RFNG: variants seen among roughly 807,000 people sequenced by gnomAD.
RFNG encodes beta-1,3-N-acetylglucosaminyltransferase radical fringe.
Under a neutral mutation model 29.6 loss-of-function variants are expected in RFNG, and 37 were observed. The observed-to-expected ratio is 1.25, with a 90% CI of 0.96 to 1.65. The LOEUF (loss-of-function observed/expected upper bound fraction) is 1.65, where lower values mean the gene tolerates loss of function less well. Among genes scored for constraint, RFNG ranks in the 40% most tolerant of loss-of-function variants. The pLI is 0.00. For synonymous variants in RFNG, 276 were observed against 197.3 expected, an observed-to-expected ratio of 1.40 and a Z score of -3.34; for missense variants, 546 against 457.0, an observed-to-expected ratio of 1.19 and a Z score of -1.78.
intron 2 of RFNG, 73 bp from the exon 3 acceptor site, chr17:82,050,837 G>A: frequency 6.7e-7 from 1 of 1,503,212 alleles, no homozygotes; most frequent in Non-Finnish European, 9.1e-7. Flanking sequence ...TGCCCCACCT[G>A]CCCCCAAGGG....
rs1457117017 is a variant in RFNG at position 82,051,617 on chromosome 17, G to T, written c.150C>A (p.Pro50=). The T allele has an allele frequency of 2.5e-6, 3 of 1,213,876 alleles. No homozygotes were observed. The South Asian group carries it at 8.8e-5, about 36-fold the overall frequency. The allele number at this position is 1,213,876 out of a possible 1,614,324, so 75.2% of individuals were successfully genotyped here. A position where few individuals can be genotyped will look rare whatever the true frequency, so the allele number is the denominator to read the frequency against. Residue 50 remains proline (P), a synonymous_variant, in exon 1 of 8, where the codon CCC becomes CCA. Transcript: ENST00000310496. The surrounding 1 kb of genome is among the most constrained non-coding windows in gnomAD (Gnocchi z 4.1). ...APAPRAPPSR[P]AAPSLRPDDV... ...CGTCAGGCCGCAGGCTGGGGGCAGC[G>T]GGCCGGGACGGGGGCGCGCGCGGGG...
chr17:82,050,856 C>A lies in RFNG; in HGVS notation c.317-92G>T, dbSNP rs751908821. ...CCACCTGCCCCCAAGGGCCAGGGCACAACGTGGCTGTCTGACATGCCTGGA... is the reference window on the plus strand; with the variant it reads ...CCACCTGCCCCCAAGGGCCAGGGCAAAACGTGGCTGTCTGACATGCCTGGA... On this transcript the variant is annotated intron_variant, in intron 2 of 7. Coordinates refer to ENST00000310496, the MANE Select transcript of RFNG (RefSeq NM_002917.2). 1.5e-4 allele frequency: 226 copies of A among 1,464,652 alleles called. 1 individual carries two copies. The highest frequency in any genetic ancestry group is 2.1e-4 in the South Asian group (17 of 81,188). 90.7% of individuals were successfully genotyped at this position (1,464,652 alleles called of 1,614,324 possible).
rs770204364 is a variant in RFNG at position 82,051,278 on chromosome 17, A to AG, written c.316+15dup. Reference sequence around the variant, plus strand: ...GGGGCAGATCCCGCGGGCGCCGGGGAGTGGGGGACACTCACCGCCCTGGAG... The same window carrying AG: ...GGGGCAGATCCCGCGGGCGCCGGGGAGGTGGGGGACACTCACCGCCCTGGAG... On this transcript the variant is annotated intron_variant, in intron 2 of 7. Transcript: ENST00000310496. This position sits in a 1 kb window ranked among gnomAD's most constrained non-coding sequence, Gnocchi z 4.1. 8.8e-6 allele frequency: 12 copies of AG among 1,358,870 alleles called. No individual in the cohort carries two copies. The highest frequency in any genetic ancestry group is 3.4e-5 in the Admixed American group (1 of 29,006). 84.2% of individuals were successfully genotyped at this position (1,358,870 alleles called of 1,614,324 possible). A position where few individuals can be genotyped will look rare whatever the true frequency, so the allele number is the denominator to read the frequency against.
At position 82,049,713 on chromosome 17, in the gene RFNG, G is replaced by A. The variant is rs548244026; in HGVS notation, c.792C>T (p.Asn264=). The change falls in exon 6 of 8, where the codon AAC becomes AAT. Residue 264 remains asparagine (N), a synonymous_variant. Coordinates refer to ENST00000310496, the MANE Select transcript of RFNG (RefSeq NM_002917.2). ...HSPLFHSHLE[N]LQRLPPDTLL... is the part of the protein sequence containing the mutation. The stretch of plus-strand genomic sequence containing the variant: ...GGGTGTCGGGCGGCAGCCTCTGCAG[G>A]TTCTCCAGGTGAGAGTGGAAGAGGG... 4 of 1,502,982 alleles carry A rather than the reference G, an allele frequency of 2.7e-6. No individual in the cohort carries two copies. The South Asian group carries it at 5.5e-5, about 21-fold the overall frequency. 93.1% of individuals were successfully genotyped at this position (1,502,982 alleles called of 1,614,324 possible).
At chr17:82,050,930 G>T in intron 2 of RFNG, 166 bp from the exon 3 acceptor site, 1 of 1,411,600 alleles carries the variant, frequency 7.1e-7, no homozygotes, top group Non-Finnish European at 9.3e-7. Context: ...CGCTGACCCT[G>T]CTGGTGCCAC....
chr17:82,050,093 G>A (rs1156875215), intron 4 of RFNG, 87 bp from the exon 5 acceptor site: 9 of 1,217,766 alleles, frequency 7.4e-6, no homozygotes, highest in South Asian at 3.9e-5. Context: ...TCTTTCTTAA[G>A]CTGCCCCTTA....
In RFNG at chr17:82,050,723, G is replaced by T; in HGVS notation, c.358C>A (p.Arg120Ser). 6.2e-7 allele frequency: 1 copy of T among 1,613,226 alleles called. No individual in the cohort carries two copies. Among genetic ancestry groups the T allele is most frequent in the South Asian group, 1.1e-5 (1 of 91,084 alleles). Residue 120 changes from arginine (R) to serine (S), a missense_variant, in exon 3 of 8, where the codon CGT becomes AGT. Transcript: ENST00000310496. ...INTNCSAVRT[R>S]QALCCKMSVE... ...GACATCTTGCAGCAGAGGGCCTGAC[G>T]AGTGCGCACCGCCGAGCAGTTGGTG...
In RFNG at chr17:82,049,120, G is replaced by C; in HGVS notation, c.829-4C>G. ...GACCCCCATGGCTCAAGGTAACCTG[G>C]GAGGGAAGGGTGTGGGCAGAGTGTG... On this transcript the variant is annotated splice_region_variant and splice_polypyrimidine_tract_variant and intron_variant, in intron 6 of 7. Transcript: ENST00000310496. The C allele has an allele frequency of 6.2e-7, 1 of 1,612,370 alleles. No individual in the cohort carries two copies. The highest frequency in any genetic ancestry group is 8.5e-7 in the Non-Finnish European group (1 of 1,179,076).
chr17:82,051,677 G>GGGCAGC lies in RFNG; in HGVS notation c.84_89dup (p.Leu29_Pro30dup), dbSNP rs1309846308. 5.0e-6 allele frequency: 5 copies of GGGCAGC among 1,001,812 alleles called. No homozygotes were observed. Among genetic ancestry groups the GGGCAGC allele is most frequent in the African/African-American group, 1.8e-5 (1 of 56,916 alleles). 62.1% of individuals were successfully genotyped at this position (1,001,812 alleles called of 1,614,324 possible). A position where few individuals can be genotyped will look rare whatever the true frequency, so the allele number is the denominator to read the frequency against. On this transcript the variant is annotated inframe_insertion, in exon 1 of 8. Coordinates refer to ENST00000310496, the MANE Select transcript of RFNG (RefSeq NM_002917.2). The surrounding 1 kb of genome is among the most constrained non-coding windows in gnomAD (Gnocchi z 4.1). Reference sequence around the variant, plus strand: ...GGGTCCGGGCCGGGGCGGGCGCGCGGGGCAGCGGCAGCGGCAGTAACAGCA... The same window carrying GGGCAGC: ...GGGTCCGGGCCGGGGCGGGCGCGCGGGGCAGCGGCAGCGGCAGCGGCAGTAACAGCA...
intron 4 of RFNG, 63 bp from the exon 5 acceptor site, chr17:82,050,069 G>T (rs368727098): frequency 1.5e-6 from 2 of 1,353,550 alleles, no homozygotes; most frequent in Non-Finnish European, 2.1e-6. Context: ...ACTCTTCATG[G>T]GACTCCCCAG....
chr17:82,049,892 G>C, intron 5 of RFNG, 26 bp downstream of exon 5: 2 of 1,611,224 alleles, frequency 1.2e-6, no homozygotes, highest in Non-Finnish European at 1.7e-6. Context: ...CCGCCTCCCA[G>C]CCCGGGCAGC....
chr17:82,051,451 C>A lies in RFNG; in HGVS notation c.267+49G>T, dbSNP rs2030564688. 2 of 1,331,580 alleles carry A rather than the reference C, an allele frequency of 1.5e-6. No individual in the cohort carries two copies. Among genetic ancestry groups the A allele is most frequent in the South Asian group, 2.1e-5 (1 of 47,100 alleles). The allele number at this position is 1,331,580 out of a possible 1,614,324, so 82.5% of individuals were successfully genotyped here. ...TGGGCCGGGCCTAGACCCTGGGAGGCGGGGCGGGTGGGCGTGGGGCTCGCC... is the reference window on the plus strand; with the variant it reads ...TGGGCCGGGCCTAGACCCTGGGAGGAGGGGCGGGTGGGCGTGGGGCTCGCC... On this transcript the variant is annotated intron_variant, in intron 1 of 7. Transcript: ENST00000310496. This position sits in a 1 kb window ranked among gnomAD's most constrained non-coding sequence, Gnocchi z 4.1.
chr17:82,051,615 G>T lies in RFNG; in HGVS notation c.152C>A (p.Ala51Asp). ...GTCGTCAGGCCGCAGGCTGGGGGCA[G>T]CGGGCCGGGACGGGGGCGCGCGCGG... ...PAPRAPPSRP[A>D]APSLRPDDVF... The change falls in exon 1 of 8, where the codon GCT (alanine) becomes GAT (aspartate). Residue 51 changes from alanine to aspartate, a missense_variant. Coordinates refer to ENST00000310496, the MANE Select transcript of RFNG (RefSeq NM_002917.2). This position sits in a 1 kb window ranked among gnomAD's most constrained non-coding sequence, Gnocchi z 4.1. The T allele has an allele frequency of 1.6e-6, 2 of 1,237,842 alleles. No individual in the cohort carries two copies. Among genetic ancestry groups the T allele is most frequent in the South Asian group, 2.6e-5 (1 of 38,140 alleles). 76.7% of individuals were successfully genotyped at this position (1,237,842 alleles called of 1,614,324 possible).
In RFNG at chr17:82,051,277, G is replaced by A. The variant is rs776844756; in HGVS notation, c.316+17C>T. Reference sequence around the variant, plus strand: ...GGGGGCAGATCCCGCGGGCGCCGGGGAGTGGGGGACACTCACCGCCCTGGA... The same window carrying A: ...GGGGGCAGATCCCGCGGGCGCCGGGAAGTGGGGGACACTCACCGCCCTGGA... On this transcript the variant is annotated intron_variant, in intron 2 of 7. Coordinates refer to ENST00000310496, the MANE Select transcript of RFNG (RefSeq NM_002917.2). This position sits in a 1 kb window ranked among gnomAD's most constrained non-coding sequence, Gnocchi z 4.1. 5 of 1,367,822 alleles carry A rather than the reference G, an allele frequency of 3.7e-6. No individual in the cohort carries two copies. Among genetic ancestry groups the A allele is most frequent in the South Asian group, 2.1e-5 (1 of 46,914 alleles). The allele number at this position is 1,367,822 out of a possible 1,614,324, so 84.7% of individuals were successfully genotyped here. A position where few individuals can be genotyped will look rare whatever the true frequency, so the allele number is the denominator to read the frequency against.
rs1043777857 is a variant in RFNG at position 82,051,509 on chromosome 17, G to A, written c.258C>T (p.Ala86=). 3 of 1,390,840 alleles carry A rather than the reference G, an allele frequency of 2.2e-6. No homozygotes were observed. Among genetic ancestry groups the A allele is most frequent in the African/African-American group, 3.0e-5 (2 of 65,604 alleles). 86.2% of individuals were successfully genotyped at this position (1,390,840 alleles called of 1,614,324 possible). Reference sequence around the variant, plus strand: ...TCGGGGTCCGGCGCACCTGCTGGCGGGCCCGGGAGATCCAGGTGCGCAGCA... The same window carrying A: ...TCGGGGTCCGGCGCACCTGCTGGCGAGCCCGGGAGATCCAGGTGCGCAGCA... ...RLLLRTWISR[A]RQQTFIFTDG... is the part of the protein sequence containing the mutation. Residue 86 remains alanine, a synonymous_variant, in exon 1 of 8, where the codon GCC becomes GCT. Transcript: ENST00000310496. This position sits in a 1 kb window ranked among gnomAD's most constrained non-coding sequence, Gnocchi z 4.1.
chr17:82,050,389 C>T lies in RFNG; in HGVS notation c.573+13G>A. The stretch of plus-strand genomic sequence containing the variant: ...AAGGCGTCTGCTCCGATGGCGTCTG[C>T]TCCGACACTCACAGTTCTGCCACCC... On this transcript the variant is annotated intron_variant, in intron 4 of 7. Transcript: ENST00000310496. The T allele has an allele frequency of 1.3e-6, 2 of 1,561,676 alleles. No homozygotes were observed. The highest frequency in any genetic ancestry group is 1.7e-6 in the Non-Finnish European group (2 of 1,159,704).
chr17:82,051,284 G>T lies in RFNG; in HGVS notation c.316+10C>A. On this transcript the variant is annotated intron_variant, in intron 2 of 7. Coordinates refer to ENST00000310496, the MANE Select transcript of RFNG (RefSeq NM_002917.2). This position sits in a 1 kb window ranked among gnomAD's most constrained non-coding sequence, Gnocchi z 4.1. ...GATCCCGCGGGCGCCGGGGAGTGGGGGACACTCACCGCCCTGGAGCTCGAG... is the reference window on the plus strand; with the variant it reads ...GATCCCGCGGGCGCCGGGGAGTGGGTGACACTCACCGCCCTGGAGCTCGAG... The T allele has an allele frequency of 7.2e-7, 1 of 1,383,244 alleles. No homozygotes were observed. Among genetic ancestry groups the T allele is most frequent in the South Asian group, 2.0e-5 (1 of 49,560 alleles). The allele number at this position is 1,383,244 out of a possible 1,614,324, so 85.7% of individuals were successfully genotyped here.
At position 82,051,466 on chromosome 17, in the gene RFNG, T is replaced by C. The variant is rs1352473809; in HGVS notation, c.267+34A>G. ...CCCTGGGAGGCGGGGCGGGTGGGCG[T>C]GGGGCTCGCCGTCGGGGTCGGGGTC... On this transcript the variant is annotated intron_variant, in intron 1 of 7. Transcript: ENST00000310496. This position sits in a 1 kb window ranked among gnomAD's most constrained non-coding sequence, Gnocchi z 4.1. 4.7e-5 allele frequency: 63 copies of C among 1,329,834 alleles called. No homozygotes were observed. The highest frequency in any genetic ancestry group is 5.9e-5 in the Non-Finnish European group (61 of 1,037,962). 82.4% of individuals were successfully genotyped at this position (1,329,834 alleles called of 1,614,324 possible). A position where few individuals can be genotyped will look rare whatever the true frequency, so the allele number is the denominator to read the frequency against.
In RFNG at chr17:82,049,788, T is replaced by C. The variant is rs890219730; in HGVS notation, c.717A>G (p.Thr239=). ...AEQVRLPDDC[T]VGYIVEGLLG... ...GGAGCCCCTCCACGATGTAGCCAACTGTGCAGTCATCCGGCAGCCGCACCT... is the reference window on the plus strand; with the variant it reads ...GGAGCCCCTCCACGATGTAGCCAACCGTGCAGTCATCCGGCAGCCGCACCT... The change falls in exon 6 of 8, where the codon ACA becomes ACG. Residue 239 remains threonine, a synonymous_variant. Coordinates refer to ENST00000310496, the MANE Select transcript of RFNG (RefSeq NM_002917.2). 3 of 1,541,376 alleles carry C rather than the reference T, an allele frequency of 1.9e-6. No homozygotes were observed. Among genetic ancestry groups the C allele is most frequent in the South Asian group, 1.3e-5 (1 of 78,730 alleles).
Sources: allele counts gnomAD v4.1 joint callset, GRCh38; gene constraint gnomAD v4.1.1; non-coding constraint Gnocchi (gnomAD v3.1); transcripts MANE v1.5; gene names NCBI Gene and HGNC (gene_info 2026-07-23, HGNC 2026-07-21).